The following RAPGEF2 variants were observed in gnomAD, a reference collection of about 807,000 sequenced individuals.
The protein encoded by RAPGEF2 is Rap guanine nucleotide exchange factor 2.
RAPGEF2 carries 54 observed loss-of-function variants against 186.7 expected under a neutral mutation model. The observed-to-expected ratio is 0.29, with a 90% CI of 0.23 to 0.36. The LOEUF (loss-of-function observed/expected upper bound fraction) is 0.36, where lower values mean the gene tolerates loss of function less well. RAPGEF2 is among the 10% of genes least tolerant of loss of function. The pLI is 1.00. For missense variants in RAPGEF2, 1,532 were observed against 2,045.0 expected, an observed-to-expected ratio of 0.75 and a Z score of 4.84; for synonymous variants, 712 against 705.9, an observed-to-expected ratio of 1.01 and a Z score of -0.14.
intron 7 of RAPGEF2, among the ~76,000 whole-genome samples, chr4:159,299,241 C>G (rs1452489733): frequency 6.6e-6 from 1 of 152,066 alleles, no homozygotes; most frequent in Non-Finnish European, 1.5e-5. Flanking sequence ...TTCCAGTGAT[C>G]ATCACCCCAA....
In RAPGEF2 at chr4:159,232,374, C is replaced by T. The variant is rs115705046; in HGVS notation, c.282-6435C>T. Among the ~76,000 whole-genome samples, 542 of 152,300 alleles carry T rather than the reference C, an allele frequency of 3.6e-3. 4 individuals carry two copies. Among genetic ancestry groups the T allele is most frequent in the African/African-American group, 0.012 (517 of 41,566 alleles). ...TCTAGATATTTCATGTAAGTGGAAT[C>T]ATATGATATTTGTACTTTTGTGGCT... On this transcript the variant is annotated intron_variant, in intron 4 of 29. Transcript: ENST00000691494.
chr4:159,208,709 CCTAA>C (rs967311395), intron 3 of RAPGEF2, among the ~76,000 whole-genome samples: 13 of 152,060 alleles, frequency 8.5e-5, no homozygotes, highest in African/African-American at 2.9e-4. Flanking sequence ...GAGTTTATGT[CCTAA>C]CTAATAAATT....
At chr4:159,352,503 A>C in intron 26 of RAPGEF2, 182 bp from the exon 27 acceptor site, 1 of 572,582 alleles carries the variant, frequency 1.7e-6, no homozygotes, top group Non-Finnish European at 3.1e-6. Flanking sequence ...TAAACAACTT[A>C]AGCTTCATTA....
At chr4:159,143,713 G>A (rs1742603001) in intron 1 of RAPGEF2, among the ~76,000 whole-genome samples, 1 of 152,146 alleles carries the variant, frequency 6.6e-6, no homozygotes, top group Non-Finnish European at 1.5e-5. Flanking sequence ...CTGGGGAGCT[G>A]GATGGAATAG....
chr4:159,219,649 G>A lies in RAPGEF2; in HGVS notation c.281+9066G>A, dbSNP rs189390013. On this transcript the variant is annotated intron_variant, in intron 4 of 29. Coordinates refer to ENST00000691494, the MANE Select transcript of RAPGEF2 (RefSeq NM_001394067.2). Reference sequence around the variant, plus strand: ...GGATTACAGGCGTGAGCCACCACGCGCAGCCATAACTTTATCTTTGAAGAA... The same window carrying A: ...GGATTACAGGCGTGAGCCACCACGCACAGCCATAACTTTATCTTTGAAGAA... Among the ~76,000 whole-genome samples the A allele has an allele frequency of 2.3e-3, 350 of 152,110 alleles. 2 individuals carry two copies. Among genetic ancestry groups the A allele is most frequent in the African/African-American group, 7.6e-3 (314 of 41,508 alleles).
rs34827512 is a variant in RAPGEF2 at position 159,195,875 on chromosome 4, GTTTTTTTTTTTTT to G, written c.197+2636_197+2648del. Among the ~76,000 whole-genome samples the G allele has an allele frequency of 5.2e-4, 49 of 94,232 alleles. 1 individual carries two copies. Among genetic ancestry groups the G allele is most frequent in the South Asian group, 2.6e-3 (6 of 2,338 alleles). 61.8% of individuals were successfully genotyped at this position (94,232 alleles called of 152,430 possible). On this transcript the variant is annotated intron_variant, in intron 3 of 29. Coordinates refer to ENST00000691494, the MANE Select transcript of RAPGEF2 (RefSeq NM_001394067.2). The stretch of plus-strand genomic sequence containing the variant: ...GATTACAGTGTCTTCAAACATACCT[GTTTTTTTTTTTTT>G]TTTTTTTTTTTTTTTTCCCCAAGTA...
chr4:159,271,293 C>T (rs1162601901), intron 7 of RAPGEF2, among the ~76,000 whole-genome samples: 4 of 152,028 alleles, frequency 2.6e-5, no homozygotes, highest in Non-Finnish European at 2.9e-5. Context: ...AAACTGATAA[C>T]ATGGTTTTAA....
Position 159,346,805 on chromosome 4 carries a change from T to A in RAPGEF2, c.3519T>A (p.Gly1173=). The A allele has an allele frequency of 1.2e-6, 2 of 1,614,104 alleles. No homozygotes were observed. Among genetic ancestry groups the A allele is most frequent in the Non-Finnish European group, 1.7e-6 (2 of 1,179,996 alleles). Reference sequence around the variant, plus strand: ...AATTATCAGTGCCTAAGAATCCTGGTGACAAAAAGCCTGTCAAATCCGAGA... The same window carrying A: ...AATTATCAGTGCCTAAGAATCCTGGAGACAAAAAGCCTGTCAAATCCGAGA... ...PATNTLPKNP[G]DKKPVKSETS... The change falls in exon 25 of 30, where the codon GGT becomes GGA. Residue 1173 remains glycine (G), a synonymous_variant. Coordinates refer to ENST00000691494, the MANE Select transcript of RAPGEF2 (RefSeq NM_001394067.2).
intron 9 of RAPGEF2, among the ~76,000 whole-genome samples, chr4:159,321,767 A>G (rs568785185): frequency 6.6e-6 from 1 of 152,360 alleles, no homozygotes; most frequent in Non-Finnish European, 1.5e-5. Flanking sequence ...AGGAAAGAAG[A>G]GTGAACAAAC....
At chr4:159,269,868 A>T (rs1757896153) in intron 7 of RAPGEF2, among the ~76,000 whole-genome samples, 2 of 152,188 alleles carry the variant, frequency 1.3e-5, no homozygotes, top group Admixed American at 6.5e-5. Context: ...GAAAATTGTT[A>T]AAACCGTTCA....
chr4:159,167,029 C>T (rs991503458), intron 1 of RAPGEF2, among the ~76,000 whole-genome samples: 2 of 151,834 alleles, frequency 1.3e-5, no homozygotes, highest in African/African-American at 4.8e-5. Flanking sequence ...TTATGTTGTA[C>T]ATGGTGAAAG....
chr4:159,195,542 A>C (rs900394562), intron 3 of RAPGEF2, among the ~76,000 whole-genome samples: 1 of 152,202 alleles, frequency 6.6e-6, no homozygotes, highest in Non-Finnish European at 1.5e-5. Context: ...TCATTATCCC[A>C]GCTGGACAAA....
chr4:159,185,821 A>G (rs1475316631), intron 1 of RAPGEF2, among the ~76,000 whole-genome samples: 2 of 152,188 alleles, frequency 1.3e-5, no homozygotes, highest in Admixed American at 6.5e-5. Context: ...ATCAGTAAAT[A>G]AAGCTGTTAA....
At chr4:159,108,854 C>A (rs1201706235) in intron 1 of RAPGEF2, among the ~76,000 whole-genome samples, 1 of 152,034 alleles carries the variant, frequency 6.6e-6, no homozygotes, top group Non-Finnish European at 1.5e-5. Flanking sequence ...GTAACTGGGT[C>A]TACAGGCTTA....
chr4:159,304,851 G>A (rs1256500237), intron 8 of RAPGEF2, among the ~76,000 whole-genome samples: 3 of 152,054 alleles, frequency 2.0e-5, no homozygotes, highest in Non-Finnish European at 4.4e-5. Context: ...ACTCCCGCAT[G>A]TGCTGAGTCT....
intron 11 of RAPGEF2, chr4:159,327,802 A>G (rs1054441728): frequency 1.2e-4 from 19 of 152,126 alleles, no homozygotes; most frequent in African/African-American, 4.6e-4. Context: ...TTCAAGTAAA[A>G]TGTATTTCTT....
At chr4:159,158,783 G>A (rs899954127) in intron 1 of RAPGEF2, among the ~76,000 whole-genome samples, 14 of 152,174 alleles carry the variant, frequency 9.2e-5, no homozygotes, top group Admixed American at 4.6e-4. Flanking sequence ...TTTTACTAGC[G>A]TTATTTGCCA....
chr4:159,236,462 A>G (rs879735253), intron 4 of RAPGEF2, among the ~76,000 whole-genome samples: 2 of 152,248 alleles, frequency 1.3e-5, no homozygotes, highest in Non-Finnish European at 2.9e-5. Context: ...AATAACAGTT[A>G]TATAGTTTAT....
chr4:159,122,378 C>T (rs1739793658), intron 1 of RAPGEF2, among the ~76,000 whole-genome samples: 1 of 151,556 alleles, frequency 6.6e-6, no homozygotes, highest in Non-Finnish European at 1.5e-5. Flanking sequence ...ACTTAGGAGG[C>T]TGAGGCAGGA....
Sources: allele counts gnomAD v4.1 joint callset (sites outside exome capture counted in the v4.1 genomes callset), GRCh38; gene constraint gnomAD v4.1.1; transcripts MANE v1.5; gene names NCBI Gene and HGNC (gene_info 2026-07-23, HGNC 2026-07-21).